The following DNAAF5 variants were observed in gnomAD, a reference collection of about 807,000 sequenced individuals.
DNAAF5 encodes dynein axonemal assembly factor 5.
DNAAF5 carries 64 observed loss-of-function variants against 75.8 expected under a neutral mutation model. The observed-to-expected ratio is 0.84, with a 90% CI of 0.69 to 1.04. DNAAF5 has a LOEUF of 1.04. DNAAF5 is among the 50% of genes least tolerant of loss of function. DNAAF5 has a pLI of 0.00. For missense variants in DNAAF5, 1,269 were observed against 1,178.5 expected (o/e 1.08, Z -1.12); for synonymous variants, 657 against 557.2 (o/e 1.18, Z -2.52).
chr7:751,477 G>A (rs1782290984), intron 4 of DNAAF5, among the ~76,000 whole-genome samples: 1 of 151,762 alleles, frequency 6.6e-6, no homozygotes, highest in Non-Finnish European at 1.5e-5. Context: ...TCCAGCCTGG[G>A]TGACAGAGTG....
At chr7:745,067 G>A (rs1023326166) in intron 4 of DNAAF5, among the ~76,000 whole-genome samples, 1 of 152,212 alleles carries the variant, frequency 6.6e-6, no homozygotes, top group African/African-American at 2.4e-5. Context: ...GGGCTTCTGC[G>A]TTGGTCGGAC....
intron 4 of DNAAF5, among the ~76,000 whole-genome samples, chr7:744,085 C>A (rs1055042836): frequency 2.6e-5 from 4 of 151,908 alleles, no homozygotes; most frequent in African/African-American, 9.7e-5. Flanking sequence ...GCTATCCCTC[C>A]CCCCTCACCT....
At chr7:784,626 T>G (rs1779091462) in intron 12 of DNAAF5, among the ~76,000 whole-genome samples, 2 of 152,260 alleles carry the variant, frequency 1.3e-5, no homozygotes, top group South Asian at 2.1e-4. Context: ...TTCCTGATTT[T>G]CATCATCGGC....
chr7:757,684 G>A (rs543051485), intron 6 of DNAAF5, among the ~76,000 whole-genome samples: 19 of 152,384 alleles, frequency 1.2e-4, no homozygotes, highest in Non-Finnish European at 2.8e-4. Context: ...TGGAAGAAGA[G>A]GTGATGGCTT....
chr7:735,265 A>G (rs1269378350), intron 2 of DNAAF5, among the ~76,000 whole-genome samples: 1 of 145,456 alleles, frequency 6.9e-6, no homozygotes, highest in Non-Finnish European at 1.5e-5. Context: ...GTTGTTCTTC[A>G]TGGTGTAGCT....
intron 1 of DNAAF5, 141 bp downstream of exon 1, chr7:727,456 G>T: frequency 3.1e-6 from 1 of 317,876 alleles, no homozygotes; most frequent in East Asian, 5.2e-5. Context: ...GACCCCCCAT[G>T]CGCCGCTTCC....
At chr7:747,787 A>C in intron 4 of DNAAF5, among the ~76,000 whole-genome samples, 1 of 17,720 alleles carries the variant, frequency 5.6e-5, no homozygotes, top group Non-Finnish European at 1.3e-4. Context: ...TGCTGGTTTC[A>C]GCGTGTCCGG....
At chr7:766,905 A>G (rs1165677240) in intron 8 of DNAAF5, among the ~76,000 whole-genome samples, 3 of 152,198 alleles carry the variant, frequency 2.0e-5, no homozygotes, top group African/African-American at 7.2e-5. Flanking sequence ...TAGAGTGGGA[A>G]CTATCCAGCC....
chr7:760,978 T>C (rs1562390513), intron 6 of DNAAF5, among the ~76,000 whole-genome samples: 1 of 152,350 alleles, frequency 6.6e-6, no homozygotes, highest in East Asian at 1.9e-4. Flanking sequence ...GCCCTTGGCA[T>C]GCGTGTTCTG....
chr7:772,924 T>G (rs1424173942), intron 9 of DNAAF5: 2 of 151,176 alleles, frequency 1.3e-5, no homozygotes, highest in African/African-American at 4.9e-5. Context: ...ATGGAGCTTC[T>G]GTCAGACACA....
intron 10 of DNAAF5, among the ~76,000 whole-genome samples, 196 bp from the exon 11 acceptor site, chr7:774,810 C>T (rs1050440861): frequency 1.3e-5 from 2 of 152,154 alleles, no homozygotes; most frequent in Admixed American, 6.5e-5. Flanking sequence ...GAACAGTGTG[C>T]GTATTTTCTA....
At chr7:747,410 A>C (rs888694810) in intron 4 of DNAAF5, among the ~76,000 whole-genome samples, 1 of 151,268 alleles carries the variant, frequency 6.6e-6, no homozygotes, top group Non-Finnish European at 1.5e-5. Context: ...CAATGGTGGC[A>C]CAGGGTGTTG....
At position 742,412 on chromosome 7, in the gene DNAAF5, C is replaced by T. The variant is rs933127376; in HGVS notation, c.1024+947C>T. ...ATCAGATGCCCAGCCCAAATCAAGACGCCCAGCTCAAATCACATGCCCAGC... is the reference window on the plus strand; with the variant it reads ...ATCAGATGCCCAGCCCAAATCAAGATGCCCAGCTCAAATCACATGCCCAGC... On this transcript the variant is annotated intron_variant, in intron 4 of 12. Transcript: ENST00000297440. Among the ~76,000 whole-genome samples, 687 of 112,210 alleles carry T rather than the reference C, an allele frequency of 6.1e-3. 29 individuals carry two copies. Among genetic ancestry groups the T allele is most frequent in the Non-Finnish European group, 9.9e-3 (542 of 54,898 alleles). The allele number at this position is 112,210 out of a possible 152,430, so 73.6% of individuals were successfully genotyped here. A position where few individuals can be genotyped will look rare whatever the true frequency, so the allele number is the denominator to read the frequency against.
chr7:767,171 G>A (rs1028814641), intron 8 of DNAAF5, among the ~76,000 whole-genome samples: 2 of 151,234 alleles, frequency 1.3e-5, no homozygotes, highest in Non-Finnish European at 2.9e-5. Context: ...CCCAGGAGAC[G>A]GGGCTTGCAG....
chr7:753,362 A>G (rs1040071042), intron 4 of DNAAF5, among the ~76,000 whole-genome samples: 31 of 152,222 alleles, frequency 2.0e-4, no homozygotes, highest in African/African-American at 7.2e-4. Context: ...CGGAGAAGGG[A>G]GGAGAGTGAA....
intron 4 of DNAAF5, among the ~76,000 whole-genome samples, chr7:749,377 C>A (rs1216524022): frequency 6.6e-6 from 1 of 152,164 alleles, no homozygotes; most frequent in African/African-American, 2.4e-5. Context: ...GAGTGGCCGG[C>A]CAGAGCTTTT....
At chr7:739,502 G>C (rs1781838584) in intron 2 of DNAAF5, among the ~76,000 whole-genome samples, 2 of 152,238 alleles carry the variant, frequency 1.3e-5, no homozygotes, top group South Asian at 4.1e-4. Context: ...ATTTGTATTT[G>C]TGGTTGCTAG....
intron 12 of DNAAF5, among the ~76,000 whole-genome samples, chr7:782,292 C>G (rs181418662): frequency 2.4e-4 from 36 of 150,844 alleles, no homozygotes; most frequent in African/African-American, 7.6e-4. Context: ...ATCAGAAACT[C>G]GGATCTTCCT....
chr7:764,177 C>G (rs1167744970), intron 8 of DNAAF5, among the ~76,000 whole-genome samples: 1 of 152,276 alleles, frequency 6.6e-6, no homozygotes, highest in Non-Finnish European at 1.5e-5. Flanking sequence ...TGGGACGCAG[C>G]TCTTCCACTT....
Sources: allele counts gnomAD v4.1 joint callset (sites outside exome capture counted in the v4.1 genomes callset), GRCh38; gene constraint gnomAD v4.1.1; transcripts MANE v1.5; gene names NCBI Gene and HGNC (gene_info 2026-07-23, HGNC 2026-07-21).